The following NUDT4 variants were observed in gnomAD, a reference collection of about 807,000 sequenced individuals.
The protein encoded by NUDT4 is diphosphoinositol polyphosphate phosphohydrolase 2.
NUDT4 carries 5 observed loss-of-function variants against 23.1 expected under a neutral mutation model. The observed-to-expected ratio is 0.22, with a 90% CI of 0.11 to 0.46. The LOEUF (loss-of-function observed/expected upper bound fraction) is 0.46. Among genes scored for constraint, NUDT4 ranks in the 20% least tolerant of loss-of-function variants. The probability of loss-of-function intolerance (pLI) is 0.99; values close to 1 mark genes in which losing one functional copy is unlikely to be tolerated. For missense variants in NUDT4, 96 were observed against 211.6 expected (o/e 0.45, Z 3.39); for synonymous variants, 50 against 79.0 (o/e 0.63, Z 1.95).
intron 1 of NUDT4, among the ~76,000 whole-genome samples, chr12:93,392,252 C>A (rs928355210): frequency 3.6e-4 from 50 of 139,382 alleles, no homozygotes; most frequent in Admixed American, 7.2e-4. Flanking sequence ...TTCCCCCCCC[C>A]CCTTTTTTTT....
intron 1 of NUDT4, among the ~76,000 whole-genome samples, chr12:93,393,082 A>T: frequency 7.5e-6 from 1 of 133,648 alleles, no homozygotes; most frequent in Admixed American, 7.5e-5. Context: ...CAATTTGTAG[A>T]TTTCAGTCTT....
Position 93,407,827 on chromosome 12 carries a change from G to A in NUDT4, c.*8448G>A, listed in dbSNP as rs915326339. On this transcript the variant is annotated 3_prime_UTR_variant, in exon 5 of 5. Transcript: ENST00000415493. The stretch of plus-strand genomic sequence containing the variant: ...CCAGAGCCCCTTAAGTCCTAAGAAG[G>A]CTCAGTCAACACACTGGCACTCGTT... The A allele has an allele frequency of 6.6e-6, 1 of 152,168 alleles. No individual in the cohort carries two copies. Among genetic ancestry groups the A allele is most frequent in the Non-Finnish European group, 1.5e-5 (1 of 68,038 alleles). 9.4% of individuals were successfully genotyped at this position (152,168 alleles called of 1,614,324 possible).
intron 1 of NUDT4, 30 bp from the exon 2 acceptor site, chr12:93,394,579 G>T: frequency 7.7e-7 from 1 of 1,293,322 alleles, no homozygotes; most frequent in Non-Finnish European, 1.1e-6. Context: ...TTCTCAGGCT[G>T]GAAGTATACA....
intron 1 of NUDT4, among the ~76,000 whole-genome samples, chr12:93,385,532 CAT>C (rs1875992673): frequency 6.6e-6 from 1 of 152,102 alleles, no homozygotes; most frequent in Non-Finnish European, 1.5e-5. Flanking sequence ...TATGAATGAC[CAT>C]GTGTGGCTCT....
rs188291931 is a variant in NUDT4, at chr12:93,408,070, A to T, written c.*8691A>T. The T allele has an allele frequency of 2.6e-5, 4 of 152,242 alleles. No homozygotes were observed. The highest frequency in any genetic ancestry group is 9.6e-5 in the African/African-American group (4 of 41,464). 9.4% of individuals were successfully genotyped at this position (152,242 alleles called of 1,614,324 possible). A position where few individuals can be genotyped will look rare whatever the true frequency, so the allele number is the denominator to read the frequency against. ...TAAATCTGGAATTTCATGGTTTGTA[A>T]ATCACTATGTGATACTAGCTATAAC... On this transcript the variant is annotated 3_prime_UTR_variant, in exon 5 of 5. Coordinates refer to ENST00000415493, the MANE Select transcript of NUDT4 (RefSeq NM_019094.6).
At chr12:93,387,671 T>G (rs531624365) in intron 1 of NUDT4, among the ~76,000 whole-genome samples, 52 of 152,182 alleles carry the variant, frequency 3.4e-4, no homozygotes, top group Non-Finnish European at 6.6e-4. Flanking sequence ...CCAACTTTTT[T>G]TCATCTGTAC....
rs60307643 is a variant in NUDT4 at position 93,398,987 on chromosome 12, ATTTTT to A, written c.340+141_340+145del. On this transcript the variant is annotated intron_variant, in intron 4 of 4. Transcript: ENST00000415493. ...TTCCTGTGTCCAGTTTCCATCCTAG[ATTTTT>A]TTTTTTTTGGTCACTTTTCATTTAG... The A allele has an allele frequency of 1.5e-5, 10 of 680,834 alleles. No homozygotes were observed. In the African/African-American group the frequency reaches 1.9e-4, roughly 13 times the overall value. 42.2% of individuals were successfully genotyped at this position (680,834 alleles called of 1,614,324 possible).
chr12:93,395,571 A>C (rs1203650760), intron 3 of NUDT4, 38 bp downstream of exon 3: 2 of 1,507,782 alleles, frequency 1.3e-6, no homozygotes, highest in African/African-American at 2.7e-5. Flanking sequence ...CTGATAATAG[A>C]ATTAATGATT....
chr12:93,379,208 TAA>T (rs1875449783), intron 1 of NUDT4, among the ~76,000 whole-genome samples: 1 of 152,212 alleles, frequency 6.6e-6, no homozygotes, highest in African/African-American at 2.4e-5. Flanking sequence ...CGTTCTTGGA[TAA>T]TTTACCCATC....
intron 1 of NUDT4, among the ~76,000 whole-genome samples, chr12:93,389,653 A>C (rs187779853): frequency 1.2e-3 from 183 of 152,196 alleles, no homozygotes; most frequent in African/African-American, 4.1e-3. Flanking sequence ...CTGTAACCCC[A>C]GCACTTTGGG....
chr12:93,389,475 A>G lies in NUDT4; in HGVS notation c.100-5134A>G, dbSNP rs192362165. Among the ~76,000 whole-genome samples the G allele has an allele frequency of 2.5e-3, 387 of 152,200 alleles. 1 individual carries two copies. The highest frequency in any genetic ancestry group is 3.0e-3 in the Non-Finnish European group (206 of 68,018). On this transcript the variant is annotated intron_variant, in intron 1 of 4. Transcript: ENST00000415493. ...GTGCTAAATCACTTATCAAATTTAT[A>G]TACTATTTTCATGAGGCTTTCTAAA... is the stretch of plus-strand genomic sequence containing the variant.
rs1565780438 is a variant in NUDT4, at chr12:93,392,242, T to TCC, written c.100-2367_100-2366insCC. Among the ~76,000 whole-genome samples, 22 of 116,152 alleles carry TCC rather than the reference T, an allele frequency of 1.9e-4. 1 individual carries two copies. The highest frequency in any genetic ancestry group is 8.7e-4 in the South Asian group (3 of 3,464). 76.2% of individuals were successfully genotyped at this position (116,152 alleles called of 152,430 possible). ...AGCTAGCCCACAAATATTCCTTTGT[T>TCC]TCCCCCCCCCCCTTTTTTTTTTCCT... On this transcript the variant is annotated intron_variant, in intron 1 of 4. Transcript: ENST00000415493.
intron 3 of NUDT4, among the ~76,000 whole-genome samples, chr12:93,396,892 C>T (rs975914476): frequency 1.8e-4 from 28 of 152,194 alleles, no homozygotes; most frequent in African/African-American, 5.8e-4. Flanking sequence ...AAAAGTCGTT[C>T]AAGTAGAATT....
Position 93,405,520 on chromosome 12 carries a change from G to GA in NUDT4, c.*6142dup, listed in dbSNP as rs781591616. On this transcript the variant is annotated 3_prime_UTR_variant, in exon 5 of 5. Transcript: ENST00000415493. ...GGGGAGACCCGAACTCTTAATATTG[G>GA]ATTCCACACAAGAGGAAAAATTTTA... 6.6e-6 allele frequency: 1 copy of GA among 152,204 alleles called. No individual in the cohort carries two copies. Among genetic ancestry groups the GA allele is most frequent in the Non-Finnish European group, 1.5e-5 (1 of 68,056 alleles). The allele number at this position is 152,204 out of a possible 1,614,324, so 9.4% of individuals were successfully genotyped here.
chr12:93,393,069 TAACAATTTGTA>T (rs1876669897), intron 1 of NUDT4, among the ~76,000 whole-genome samples: 1 of 143,154 alleles, frequency 7.0e-6, no homozygotes, highest in Non-Finnish European at 1.5e-5. Context: ...GGTATTTTTG[TAACAATTTGTA>T]GATTTCAGTC....
Position 93,405,547 on chromosome 12 carries a change from T to TCCA in NUDT4, c.*6169_*6171dup, listed in dbSNP as rs1160767857. On this transcript the variant is annotated 3_prime_UTR_variant, in exon 5 of 5. Transcript: ENST00000415493. ...TTCCACACAAGAGGAAAAATTTTAG[T>TCCA]CCAGCTCCCAGCATGGCAGCTAATG... is the stretch of plus-strand genomic sequence containing the variant. 6.8e-6 allele frequency: 1 copy of TCCA among 146,320 alleles called. No individual in the cohort carries two copies. The highest frequency in any genetic ancestry group is 1.5e-5 in the Non-Finnish European group (1 of 67,012). The allele number at this position is 146,320 out of a possible 1,614,324, so 9.1% of individuals were successfully genotyped here. A position where few individuals can be genotyped will look rare whatever the true frequency, so the allele number is the denominator to read the frequency against.
At chr12:93,385,966 T>TATATATATATATATAC (rs1565777340) in intron 1 of NUDT4, among the ~76,000 whole-genome samples, 1 of 131,776 alleles carries the variant, frequency 7.6e-6, no homozygotes, top group East Asian at 2.2e-4. Flanking sequence ...TATATATATA[T>TATATATATATATATAC]ATATACATAA....
At position 93,378,254 on chromosome 12, in the gene NUDT4, G is replaced by T. The variant is rs1466731116; in HGVS notation, c.-69G>T. ...CTCGCCCTCGCCCCCACTCCCCGGC[G>T]GGGTGGCGGCGGCCGGGCCCCCACG... On this transcript the variant is annotated 5_prime_UTR_variant, in exon 1 of 5. Coordinates refer to ENST00000415493, the MANE Select transcript of NUDT4 (RefSeq NM_019094.6). The T allele has an allele frequency of 1.6e-6, 1 of 635,526 alleles. No homozygotes were observed. Among genetic ancestry groups the T allele is most frequent in the Non-Finnish European group, 2.4e-6 (1 of 410,432 alleles). 39.4% of individuals were successfully genotyped at this position (635,526 alleles called of 1,614,324 possible).
At chr12:93,393,136 C>T (rs1385926249) in intron 1 of NUDT4, among the ~76,000 whole-genome samples, 79 of 137,036 alleles carry the variant, frequency 5.8e-4, no homozygotes, top group Non-Finnish European at 8.3e-4. Flanking sequence ...GCTCTGTTGC[C>T]CAGGCTGGAG....
Sources: gnomAD v4.1 joint callset for allele counts (sites outside exome capture counted in the v4.1 genomes callset) on GRCh38, gnomAD v4.1.1 for gene constraint, MANE v1.5 for transcripts, NCBI Gene and HGNC (gene_info 2026-07-23, HGNC 2026-07-21) for gene names.